Variants in CKAP5 observed in about 807,000 individuals in gnomAD.
CKAP5 encodes cytoskeleton-associated protein 5.
In CKAP5, 27 loss-of-function variants were observed where a neutral mutation model predicts 232.8. The ratio of observed to expected loss-of-function variants is 0.12; its 90% CI spans 0.09 to 0.16. The LOEUF is 0.16. Ranked by LOEUF, CKAP5 falls within the 10% of genes least tolerant of loss-of-function variation. The probability of loss-of-function intolerance (pLI) is 1.00; values close to 1 mark genes in which losing one functional copy is unlikely to be tolerated. For missense variants in CKAP5, 1,838 were observed against 2,424.7 expected, an observed-to-expected ratio of 0.76 and a Z score of 5.08; for synonymous variants, 785 against 841.1, an observed-to-expected ratio of 0.93 and a Z score of 1.16.
Position 46,751,534 on chromosome 11 carries a change from A to C in CKAP5, c.5134T>G (p.Cys1712Gly). 6.2e-7 allele frequency: 1 copy of C among 1,601,414 alleles called. No individual in the cohort carries two copies. Among genetic ancestry groups the C allele is most frequent in the Non-Finnish European group, 8.5e-7 (1 of 1,174,820 alleles). Residue 1712 changes from cysteine (C) to glycine (G), a missense_variant and splice_region_variant, in exon 39 of 44, where the codon TGT becomes GGT. Physicochemically the swap from Cys to Gly is radical, Grantham distance 159. This residue lies in a region of CKAP5 where 579 missense variants were observed against 843.2 expected (regional missense o/e 0.69). Coordinates refer to ENST00000529230, the MANE Select transcript of CKAP5 (RefSeq NM_001008938.4). ...SPKFSELVMKCLWRMVRLLPD... is the reference protein window; with the variant it reads ...SPKFSELVMKGLWRMVRLLPD... Reference sequence around the variant, plus strand: ...AACAGTCGAACCATTCTCCAGAGACACTATTGAAAAAAGAATAAAAGAGTT... The same window carrying C: ...AACAGTCGAACCATTCTCCAGAGACCCTATTGAAAAAAGAATAAAAGAGTT...
rs1265206562 is a variant in CKAP5 at position 46,802,551 on chromosome 11, CAGACAG to C, written c.979-1253_979-1248del. Among the ~76,000 whole-genome samples, 6 of 138,786 alleles carry C rather than the reference CAGACAG, an allele frequency of 4.3e-5. No individual in the cohort carries two copies. The South Asian group carries it at 8.8e-4, about 20-fold the overall frequency. 91.0% of individuals were successfully genotyped at this position (138,786 alleles called of 152,430 possible). On this transcript the variant is annotated intron_variant, in intron 8 of 43. Coordinates refer to ENST00000529230, the MANE Select transcript of CKAP5 (RefSeq NM_001008938.4). ...AGAGCAAGACAGACAGACAGACAGA[CAGACAG>C]ACACACACACACACACACACACACA...
At chr11:46,789,668 C>T (rs182100071) in intron 15 of CKAP5, among the ~76,000 whole-genome samples, 9 of 151,876 alleles carry the variant, frequency 5.9e-5, no homozygotes, top group Middle Eastern at 3.4e-3. Flanking sequence ...TGGTGGTGGG[C>T]GCCTGTAGTC....
intron 35 of CKAP5, 144 bp downstream of exon 35, chr11:46,758,779 G>A (rs2065131366): frequency 1.2e-6 from 1 of 841,100 alleles, no homozygotes; most frequent in Non-Finnish European, 1.8e-6. Context: ...ATGACTGAGT[G>A]GCACCTGTGC....
At chr11:46,775,927 C>T (rs2065286549) in intron 24 of CKAP5, among the ~76,000 whole-genome samples, 1 of 151,936 alleles carries the variant, frequency 6.6e-6, no homozygotes. Context: ...ACCCATGTAA[C>T]GAACCTGCAT....
chr11:46,784,448 A>G (rs1371393352), intron 17 of CKAP5, 40 bp downstream of exon 17: 1 of 1,514,616 alleles, frequency 6.6e-7, no homozygotes, highest in South Asian at 1.2e-5. Context: ...GGGGGAAAAA[A>G]TTGGGAAAAC....
intron 35 of CKAP5, among the ~76,000 whole-genome samples, chr11:46,755,726 G>A (rs1176452704): frequency 6.6e-6 from 1 of 151,566 alleles, no homozygotes; most frequent in Non-Finnish European, 1.5e-5. Flanking sequence ...GTCACGAGTA[G>A]GAGATCAGCC....
chr11:46,795,832 T>C (rs1565739832), intron 12 of CKAP5, 56 bp from the exon 13 acceptor site: 1 of 1,397,038 alleles, frequency 7.2e-7, no homozygotes, highest in Admixed American at 1.8e-5. Context: ...ACACAACCAC[T>C]ACGTTATTAC....
chr11:46,781,232 C>A (rs1015056522), intron 18 of CKAP5, among the ~76,000 whole-genome samples: 1 of 152,156 alleles, frequency 6.6e-6, no homozygotes, highest in Non-Finnish European at 1.5e-5. Flanking sequence ...TTGAAGTTAT[C>A]CCTGACTTGT....
intron 3 of CKAP5, among the ~76,000 whole-genome samples, chr11:46,817,739 T>C (rs1366236529): frequency 6.6e-6 from 1 of 152,082 alleles, no homozygotes; most frequent in African/African-American, 2.4e-5. Flanking sequence ...ATCAGGTCTA[T>C]GAGGTATGGG....
Position 46,797,813 on chromosome 11 carries a change from G to A in CKAP5, c.1330C>T (p.Leu444=). 2 of 1,609,594 alleles carry A rather than the reference G, an allele frequency of 1.2e-6. No individual in the cohort carries two copies. The highest frequency in any genetic ancestry group is 1.7e-6 in the Non-Finnish European group (2 of 1,178,916). Residue 444 remains leucine, a synonymous_variant, in exon 11 of 44, where the codon CTA becomes TTA. Transcript: ENST00000529230. The part of the protein sequence containing the change: ...KSLLKPFCAA[L]LKHINDSAPE... ...TCAAAGAGAGTCTGTACCTTAAGTAGTGCAGCACAAAAGGGCTTTAGCAAG... is the reference window on the plus strand; with the variant it reads ...TCAAAGAGAGTCTGTACCTTAAGTAATGCAGCACAAAAGGGCTTTAGCAAG...
intron 26 of CKAP5, among the ~76,000 whole-genome samples, chr11:46,768,347 A>T (rs1442797825): frequency 6.6e-6 from 1 of 150,572 alleles, no homozygotes; most frequent in Non-Finnish European, 1.5e-5. Context: ...TGCACCACCA[A>T]GCCCAACTAA....
rs546836286 is a variant in CKAP5, at chr11:46,809,634, T to C, written c.763+108A>G. ...AGTTATTAAAGCTACATGCAACTTA[T>C]ATTTTATTAAAGGCAATCCTACAAA... On this transcript the variant is annotated intron_variant, in intron 6 of 43. Coordinates refer to ENST00000529230, the MANE Select transcript of CKAP5 (RefSeq NM_001008938.4). 262 of 1,415,288 alleles carry C rather than the reference T, an allele frequency of 1.9e-4. 1 individual carries two copies. In the South Asian group the frequency reaches 2.9e-3, roughly 16 times the overall value. The allele number at this position is 1,415,288 out of a possible 1,614,324, so 87.7% of individuals were successfully genotyped here. A position where few individuals can be genotyped will look rare whatever the true frequency, so the allele number is the denominator to read the frequency against.
chr11:46,832,680 ATAT>A (rs778370505), intron 1 of CKAP5, among the ~76,000 whole-genome samples: 122 of 152,368 alleles, frequency 8.0e-4, no homozygotes, highest in African/African-American at 1.9e-3. Context: ...CTTGAAGTTG[ATAT>A]TATTATCCCT....
intron 35 of CKAP5, among the ~76,000 whole-genome samples, chr11:46,757,335 A>T (rs970795732): frequency 2.7e-5 from 4 of 150,746 alleles, no homozygotes; most frequent in African/African-American, 7.3e-5. Flanking sequence ...TCTACTAAAA[A>T]CACAAAAATT....
At chr11:46,753,210 G>A in intron 37 of CKAP5, 100 bp downstream of exon 37, 1 of 890,432 alleles carries the variant, frequency 1.1e-6, no homozygotes, top group Non-Finnish European at 1.7e-6. Context: ...GATTATGATT[G>A]TTAGGTTGCC....
At chr11:46,844,281 G>A (rs1940127011) in intron 1 of CKAP5, among the ~76,000 whole-genome samples, 1 of 151,264 alleles carries the variant, frequency 6.6e-6, no homozygotes, top group Non-Finnish European at 1.5e-5. Flanking sequence ...AAAGTTTACA[G>A]GAGAGTTGGT....
At chr11:46,812,081 C>T (rs560104069) in intron 4 of CKAP5, among the ~76,000 whole-genome samples, 101 of 152,242 alleles carry the variant, frequency 6.6e-4, no homozygotes, top group African/African-American at 2.3e-3. Context: ...CCTATAATCC[C>T]GGCACTTTGG....
chr11:46,840,562 T>C (rs1343003903), intron 1 of CKAP5, among the ~76,000 whole-genome samples: 14 of 152,168 alleles, frequency 9.2e-5, no homozygotes, highest in Admixed American at 9.2e-4. Flanking sequence ...CCTAGAACAG[T>C]GTTCATAATA....
intron 14 of CKAP5, 54 bp downstream of exon 14, chr11:46,790,416 T>C (rs1335548430): frequency 8.7e-6 from 11 of 1,257,344 alleles, no homozygotes; most frequent in African/African-American, 3.0e-5. Context: ...AGTCTTCTCA[T>C]TGGTCTCACT....
Sources: gnomAD v4.1 joint callset for allele counts (sites outside exome capture counted in the v4.1 genomes callset) on GRCh38, gnomAD v4.1.1 for gene constraint, gnomAD v4.1.1 regional missense constraint, MANE v1.5 for transcripts, NCBI Gene and HGNC (gene_info 2026-07-23, HGNC 2026-07-21) for gene names.